SUPT5H: variants seen among roughly 807,000 people sequenced by gnomAD.
SUPT5H encodes the protein transcription elongation factor SPT5.
Under a neutral mutation model 142.5 loss-of-function variants are expected in SUPT5H, and 24 were observed. The observed-to-expected ratio is 0.17, with a 90% CI of 0.12 to 0.24. The LOEUF (loss-of-function observed/expected upper bound fraction) is 0.24. SUPT5H is among the 10% of genes least tolerant of loss of function. SUPT5H has a pLI of 1.00. For synonymous variants in SUPT5H, 546 were observed against 553.0 expected, an observed-to-expected ratio of 0.99 and a Z score of 0.18; for missense variants, 893 against 1,471.8, an observed-to-expected ratio of 0.61 and a Z score of 6.43.
Position 39,473,281 on chromosome 19 carries a change from C to A in SUPT5H, c.2337C>A (p.Gly779=). Reference sequence around the variant, plus strand: ...ATGGCTCCCAGACGCCCATGTATGGCTCTGGCTCCCGAACACCCATGTACG... The same window carrying A: ...ATGGCTCCCAGACGCCCATGTATGGATCTGGCTCCCGAACACCCATGTACG... ...PMYGSQTPMY[G]SGSRTPMYGS... Residue 779 remains glycine (G), a synonymous_variant, in exon 24 of 30, where the codon GGC becomes GGA. Coordinates refer to ENST00000432763, the MANE Select transcript of SUPT5H (RefSeq NM_001111020.3). The surrounding 1 kb of genome is among the most constrained non-coding windows in gnomAD (Gnocchi z 5.8). 6.2e-7 allele frequency: 1 copy of A among 1,613,888 alleles called. No individual in the cohort carries two copies. Among genetic ancestry groups the A allele is most frequent in the Non-Finnish European group, 8.5e-7 (1 of 1,179,966 alleles).
At chr19:39,455,988 G>A (rs1266558831) in intron 3 of SUPT5H, among the ~76,000 whole-genome samples, 1 of 137,348 alleles carries the variant, frequency 7.3e-6, no homozygotes, top group Non-Finnish European at 1.5e-5. Context: ...GTGCAGTGGT[G>A]TGATCTCGGC....
At position 39,470,477 on chromosome 19, in the gene SUPT5H, C is replaced by A. The variant is rs1254618893; in HGVS notation, c.1631C>A (p.Pro544His). 1 of 1,601,228 alleles carries A rather than the reference C, an allele frequency of 6.2e-7. No individual in the cohort carries two copies. Among genetic ancestry groups the A allele is most frequent in the East Asian group, 2.3e-5 (1 of 44,332 alleles). The change falls in exon 18 of 30, where the codon CCC becomes CAC. Residue 544 changes from proline to histidine, a missense_variant. This residue lies in a region of SUPT5H where 428 missense variants were observed against 763.5 expected (regional missense o/e 0.56). Transcript: ENST00000432763. The surrounding 1 kb of genome is among the most constrained non-coding windows in gnomAD (Gnocchi z 5.8). ...TGGGGCGAGCTGGTGCAGCTGGATC[C>A]CCAGACTGTGGGTGTCATCGTGCGA... ...HEWGELVQLD[P>H]QTVGVIVRLE...
chr19:39,458,351 T>C lies in SUPT5H; in HGVS notation c.319+46T>C, dbSNP rs1381782659. 1 of 1,560,974 alleles carries C rather than the reference T, an allele frequency of 6.4e-7. No individual in the cohort carries two copies. The highest frequency in any genetic ancestry group is 1.7e-5 in the Admixed American group (1 of 57,928). ...ATTCCCTGACCTTCCTCCCATATCCTGACATTTCCTCCTTCCTGAGGCACC... is the reference window on the plus strand; with the variant it reads ...ATTCCCTGACCTTCCTCCCATATCCCGACATTTCCTCCTTCCTGAGGCACC... On this transcript the variant is annotated intron_variant, in intron 5 of 29. Transcript: ENST00000432763. This position sits in a 1 kb window ranked among gnomAD's most constrained non-coding sequence, Gnocchi z 4.2.
At chr19:39,446,019 C>T (rs1263341065) in intron 2 of SUPT5H, 54 bp downstream of exon 2, 4 of 1,572,116 alleles carry the variant, frequency 2.5e-6, no homozygotes, top group Admixed American at 1.8e-5. Context: ...GGACTCCGGG[C>T]AGAAAGGCCC....
intron 3 of SUPT5H, 138 bp from the exon 4 acceptor site, chr19:39,457,537 G>A (rs1444575164): frequency 6.9e-7 from 1 of 1,458,166 alleles, no homozygotes; most frequent in Non-Finnish European, 9.2e-7. Flanking sequence ...CCAGACGAGT[G>A]CCTCCCTGTT....
chr19:39,471,310 C>T, intron 18 of SUPT5H, 47 bp from the exon 19 acceptor site: 1 of 1,612,480 alleles, frequency 6.2e-7, no homozygotes, highest in South Asian at 1.1e-5. Context: ...CCCCGTGTCT[C>T]CCCTTCCCAT....
At chr19:39,456,270 C>T (rs1420321331) in intron 3 of SUPT5H, among the ~76,000 whole-genome samples, 1 of 150,742 alleles carries the variant, frequency 6.6e-6, no homozygotes, top group African/African-American at 2.4e-5. Flanking sequence ...CACTCCGTTT[C>T]CTAGGCTGGA....
rs1404899766 is a variant in SUPT5H, at chr19:39,469,460, C to T, written c.1374+62C>T. ...TTCAGGCACATCTGACTGTATGTGGCTGTCGAGGCGGTGGTGTGCCTGGTG... is the reference window on the plus strand; with the variant it reads ...TTCAGGCACATCTGACTGTATGTGGTTGTCGAGGCGGTGGTGTGCCTGGTG... On this transcript the variant is annotated intron_variant, in intron 16 of 29. Coordinates refer to ENST00000432763, the MANE Select transcript of SUPT5H (RefSeq NM_001111020.3). The surrounding 1 kb of genome is among the most constrained non-coding windows in gnomAD (Gnocchi z 5.1). The T allele has an allele frequency of 1.2e-6, 2 of 1,606,920 alleles. No individual in the cohort carries two copies. Among genetic ancestry groups the T allele is most frequent in the Non-Finnish European group, 1.7e-6 (2 of 1,175,040 alleles).
At chr19:39,468,917 G>T in intron 14 of SUPT5H, 56 bp downstream of exon 14, 1 of 1,574,790 alleles carries the variant, frequency 6.4e-7, no homozygotes, top group Non-Finnish European at 8.7e-7. Flanking sequence ...TCTCCTGCAG[G>T]TGATGCCCTG....
chr19:39,463,006 A>ATTTTTTTTTTTTTTTT, intron 10 of SUPT5H, among the ~76,000 whole-genome samples: 1 of 103,086 alleles, frequency 9.7e-6, no homozygotes, highest in Non-Finnish European at 1.9e-5. Flanking sequence ...TGCCCAGCTA[A>ATTTTTTTTTTTTTTTT]TTTTTTTTTT....
intron 2 of SUPT5H, among the ~76,000 whole-genome samples, chr19:39,446,410 C>G (rs559968883): frequency 1.3e-5 from 2 of 152,204 alleles, no homozygotes; most frequent in South Asian, 2.1e-4. Context: ...GGAAGGTACT[C>G]TGGAGAAAAG....
chr19:39,448,560 C>A (rs1362140830), intron 2 of SUPT5H, among the ~76,000 whole-genome samples: 2 of 127,830 alleles, frequency 1.6e-5, no homozygotes, highest in African/African-American at 5.1e-5. Flanking sequence ...CCATACTTGA[C>A]CCCCCACCCC....
chr19:39,476,307 A>G lies in SUPT5H; in HGVS notation c.3172A>G (p.Ile1058Val). 1 of 1,614,138 alleles carries G rather than the reference A, an allele frequency of 6.2e-7. No homozygotes were observed. Among genetic ancestry groups the G allele is most frequent in the Non-Finnish European group, 8.5e-7 (1 of 1,180,022 alleles). ...GGAAGCCACGGGCGTCCTACTGAGC[A>G]TTGATGGTGAGGATGGCATTGTCCG... ...DREATGVLLSIDGEDGIVRMD... is the reference protein window; with the variant it reads ...DREATGVLLSVDGEDGIVRMD... Residue 1058 changes from isoleucine to valine, a missense_variant, in exon 30 of 30, where the codon ATT (isoleucine) becomes GTT (valine). Transcript: ENST00000432763.
At chr19:39,460,052 T>A in intron 10 of SUPT5H, 92 bp downstream of exon 10, 2 of 1,348,630 alleles carry the variant, frequency 1.5e-6, no homozygotes, top group Non-Finnish European at 2.1e-6. Flanking sequence ...GGTGCCTCTG[T>A]TGTGAGCAGA....
intron 10 of SUPT5H, among the ~76,000 whole-genome samples, chr19:39,460,560 A>C (rs1163424301): frequency 6.6e-6 from 1 of 152,188 alleles, no homozygotes; most frequent in East Asian, 1.9e-4. Context: ...CAACGTGGTG[A>C]AACCCCGTCT....
At position 39,473,896 on chromosome 19, in the gene SUPT5H, G is replaced by C. The variant is rs1019199651; in HGVS notation, c.2493-67G>C. ...GCTTCAGTTGGGGGTCTGGTGTAGG[G>C]TGCTGTTCTGGAAGCATCCATCGCA... On this transcript the variant is annotated intron_variant, in intron 25 of 29. Transcript: ENST00000432763. This position sits in a 1 kb window ranked among gnomAD's most constrained non-coding sequence, Gnocchi z 5.8. 2.0e-5 allele frequency: 32 copies of C among 1,603,350 alleles called. No homozygotes were observed. Among genetic ancestry groups the C allele is most frequent in the Non-Finnish European group, 2.6e-5 (31 of 1,171,182 alleles).
rs951111954 is a variant in SUPT5H at position 39,473,763 on chromosome 19, G to A, written c.2493-200G>A. Among the ~76,000 whole-genome samples the A allele has an allele frequency of 1.3e-5, 2 of 152,160 alleles. No individual in the cohort carries two copies. The highest frequency in any genetic ancestry group is 1.5e-5 in the Non-Finnish European group (1 of 68,020). On this transcript the variant is annotated intron_variant, in intron 25 of 29. Coordinates refer to ENST00000432763, the MANE Select transcript of SUPT5H (RefSeq NM_001111020.3). This position sits in a 1 kb window ranked among gnomAD's most constrained non-coding sequence, Gnocchi z 5.8. ...GGGCCTGGAGAAAGACTGCCTGGGT[G>A]GAGTGACCTTGGGAGGGCACCCTCA...
intron 10 of SUPT5H, 145 bp downstream of exon 10, chr19:39,460,105 G>A: frequency 1.3e-6 from 1 of 755,276 alleles, no homozygotes; most frequent in Non-Finnish European, 2.3e-6. Context: ...TAAGACCACT[G>A]CCTAGATGGA....
chr19:39,472,962 G>A lies in SUPT5H; in HGVS notation c.2155+33G>A. The stretch of plus-strand genomic sequence containing the variant: ...GCGAGGCCTGTGGAGGCCTGGGGAG[G>A]GGCATGGTGAAGGAGAGCCTGCCCA... On this transcript the variant is annotated intron_variant, in intron 22 of 29. Coordinates refer to ENST00000432763, the MANE Select transcript of SUPT5H (RefSeq NM_001111020.3). This position sits in a 1 kb window ranked among gnomAD's most constrained non-coding sequence, Gnocchi z 4.2. 2 of 1,611,774 alleles carry A rather than the reference G, an allele frequency of 1.2e-6. No homozygotes were observed. The highest frequency in any genetic ancestry group is 1.7e-6 in the Non-Finnish European group (2 of 1,178,338).
Sources: gnomAD v4.1 joint callset for allele counts (sites outside exome capture counted in the v4.1 genomes callset) on GRCh38, gnomAD v4.1.1 for gene constraint, gnomAD v4.1.1 regional missense constraint, Gnocchi (gnomAD v3.1) non-coding constraint, MANE v1.5 for transcripts, NCBI Gene and HGNC (gene_info 2026-07-23, HGNC 2026-07-21) for gene names.